GALNT13: variants seen among roughly 807,000 people sequenced by gnomAD.
GALNT13 encodes polypeptide N-acetylgalactosaminyltransferase 13.
Under a neutral mutation model 64.2 loss-of-function variants are expected in GALNT13, and 28 were observed. The observed-to-expected ratio is 0.44, with a 90% CI of 0.32 to 0.60. The LOEUF is 0.60. Ranked by LOEUF, GALNT13 falls within the 20% of genes least tolerant of loss-of-function variation. The pLI is 0.05. For synonymous variants in GALNT13, 214 were observed against 224.6 expected, an observed-to-expected ratio of 0.95 and a Z score of 0.42; for missense variants, 577 against 669.8, an observed-to-expected ratio of 0.86 and a Z score of 1.53.
At chr2:153,613,721 G>A in the GALNT13 span, among the ~76,000 whole-genome samples, 563 of 152,162 alleles carry the variant, frequency 3.7e-3, 4 homozygotes, top group African/African-American at 0.013. Context: ...GAGAACATGC[G>A]GTGTTTGGTT....
chr2:153,863,215 T>C, the GALNT13 span, among the ~76,000 whole-genome samples: 1 of 152,178 alleles, frequency 6.6e-6, no homozygotes, highest in Admixed American at 6.5e-5. Flanking sequence ...ATAATTACTT[T>C]GAATGAGATA....
At chr2:153,256,939 G>A in the GALNT13 span, among the ~76,000 whole-genome samples, 15 of 152,350 alleles carry the variant, frequency 9.8e-5, no homozygotes, top group South Asian at 4.1e-4. Flanking sequence ...GGTGGAGCCT[G>A]CAGAGGCAGG....
At chr2:154,138,801 G>A (rs1683095934) in intron 3 of GALNT13, among the ~76,000 whole-genome samples, 1 of 151,598 alleles carries the variant, frequency 6.6e-6, no homozygotes, top group Admixed American at 6.6e-5. Flanking sequence ...ATCCAATAAC[G>A]TCATCTGAGT....
At chr2:153,385,364 T>A in the GALNT13 span, among the ~76,000 whole-genome samples, 236 of 152,196 alleles carry the variant, frequency 1.6e-3, 6 homozygotes, top group Admixed American at 0.015. Flanking sequence ...TAAAAAGGAA[T>A]GAGATCCAGT....
chr2:153,248,836 A>AG, the GALNT13 span, among the ~76,000 whole-genome samples: 298 of 44,362 alleles, frequency 6.7e-3, 2 homozygotes, highest in African/African-American at 0.043. Flanking sequence ...AAAGAAAAAA[A>AG]AGAAAAAAAA....
At chr2:153,094,347 T>C in the GALNT13 span, among the ~76,000 whole-genome samples, 2 of 152,150 alleles carry the variant, frequency 1.3e-5, no homozygotes, top group South Asian at 4.1e-4. Context: ...TCAAGACCTC[T>C]TCAAGGAGAA....
At chr2:154,298,729 T>A (rs1198588017) in intron 8 of GALNT13, among the ~76,000 whole-genome samples, 34 of 84,250 alleles carry the variant, frequency 4.0e-4, no homozygotes, top group African/African-American at 1.5e-3. Context: ...ATTATATTAT[T>A]TATATATAGT....
the GALNT13 span, among the ~76,000 whole-genome samples, chr2:153,572,734 A>G: frequency 6.6e-6 from 1 of 151,888 alleles, no homozygotes; most frequent in African/African-American, 2.4e-5. Context: ...TCTAATTTCT[A>G]TGTATTTGTA....
At chr2:153,946,198 G>C (rs1246727672) in intron 3 of GALNT13, among the ~76,000 whole-genome samples, 1 of 152,078 alleles carries the variant, frequency 6.6e-6, no homozygotes, top group Non-Finnish European at 1.5e-5. Flanking sequence ...ATTTGTTGAA[G>C]GAAACCATCT....
chr2:153,664,636 C>A, the GALNT13 span, among the ~76,000 whole-genome samples: 1 of 152,112 alleles, frequency 6.6e-6, no homozygotes, highest in African/African-American at 2.4e-5. Flanking sequence ...TCCATGAAAT[C>A]TTCATAATTT....
At chr2:153,079,764 G>A in the GALNT13 span, among the ~76,000 whole-genome samples, 2 of 152,170 alleles carry the variant, frequency 1.3e-5, no homozygotes, top group Non-Finnish European at 2.9e-5. Context: ...CAGGCAGGTG[G>A]ATAATGGCCC....
the GALNT13 span, among the ~76,000 whole-genome samples, chr2:153,640,775 G>T: frequency 3.9e-5 from 6 of 152,172 alleles, no homozygotes; most frequent in East Asian, 1.2e-3. Context: ...GAGTGAGACT[G>T]TCCCAAAAAA....
the GALNT13 span, among the ~76,000 whole-genome samples, chr2:153,261,177 ATC>A: frequency 6.6e-6 from 1 of 152,114 alleles, no homozygotes; most frequent in Non-Finnish European, 1.5e-5. Flanking sequence ...AAGGTAATAT[ATC>A]TCTGTCTCTT....
chr2:153,783,531 C>A, the GALNT13 span, among the ~76,000 whole-genome samples: 2 of 152,078 alleles, frequency 1.3e-5, no homozygotes, highest in Non-Finnish European at 2.9e-5. Context: ...TTCTTTCAGG[C>A]TCCATTTTAA....
In GALNT13 at chr2:154,327,931, C is replaced by A. The variant is rs141572327; in HGVS notation, c.1156+26342C>A. Among the ~76,000 whole-genome samples the A allele has an allele frequency of 1.6e-4, 25 of 152,156 alleles. No individual in the cohort carries two copies. In the East Asian group the frequency reaches 4.6e-3, roughly 28 times the overall value. On this transcript the variant is annotated intron_variant, in intron 9 of 12. Coordinates refer to ENST00000392825, the MANE Select transcript of GALNT13 (RefSeq NM_052917.4). ...TCAATTGTCATACAAGATATAATTTCATACATTTTGATTTTCACTTTATAT... is the reference window on the plus strand; with the variant it reads ...TCAATTGTCATACAAGATATAATTTAATACATTTTGATTTTCACTTTATAT...
In GALNT13 at chr2:153,931,066, A is replaced by AGTGTGTGTGTGT. The variant is rs59409947; in HGVS notation, c.-104-13301_-104-13290dup. Among the ~76,000 whole-genome samples, 398 of 138,276 alleles carry AGTGTGTGTGTGT rather than the reference A, an allele frequency of 2.9e-3. 4 individuals carry two copies. The highest frequency in any genetic ancestry group is 0.026 in the East Asian group (116 of 4,468). 90.7% of individuals were successfully genotyped at this position (138,276 alleles called of 152,430 possible). On this transcript the variant is annotated intron_variant, in intron 2 of 12. Coordinates refer to ENST00000392825, the MANE Select transcript of GALNT13 (RefSeq NM_052917.4). ...GGGTAGCTGTATTGCTGTATTCCTA[A>AGTGTGTGTGTGT]GTGTGTGTGTGTGTGTGTGTGTGTG...
intron 4 of GALNT13, among the ~76,000 whole-genome samples, chr2:154,205,847 G>C (rs1687414827): frequency 6.6e-6 from 1 of 151,958 alleles, no homozygotes; most frequent in East Asian, 1.9e-4. Context: ...TTTAATTTTG[G>C]AATAGGTCCA....
At chr2:154,241,029 C>G (rs1689456677) in intron 4 of GALNT13, among the ~76,000 whole-genome samples, 1 of 152,232 alleles carries the variant, frequency 6.6e-6, no homozygotes, top group Non-Finnish European at 1.5e-5. Context: ...CTGGTGCATC[C>G]CTCTCCATGT....
chr2:153,334,168 C>T, the GALNT13 span, among the ~76,000 whole-genome samples: 2 of 152,084 alleles, frequency 1.3e-5, no homozygotes, highest in Non-Finnish European at 2.9e-5. Context: ...GCCTTGATGA[C>T]CTCAAGTAAA....
Sources: gnomAD v4.1 joint callset for allele counts (sites outside exome capture counted in the v4.1 genomes callset) on GRCh38, gnomAD v4.1.1 for gene constraint, MANE v1.5 for transcripts, NCBI Gene and HGNC (gene_info 2026-07-23, HGNC 2026-07-21) for gene names.